TMPRSS7: variants seen among roughly 807,000 people sequenced by gnomAD.
TMPRSS7 encodes transmembrane serine protease 7.
In TMPRSS7, 81 loss-of-function variants were observed where a neutral mutation model predicts 95.6. That is an observed-to-expected ratio of 0.85 (90% CI 0.71 to 1.02). The LOEUF is 1.02. Ranked by LOEUF, TMPRSS7 falls within the 50% of genes least tolerant of loss-of-function variation. The pLI, the probability that TMPRSS7 is intolerant of heterozygous loss-of-function variation, is 0.00. For synonymous variants in TMPRSS7, 364 were observed against 337.8 expected, an observed-to-expected ratio of 1.08 and a Z score of -0.85; for missense variants, 945 against 955.2, an observed-to-expected ratio of 0.99 and a Z score of 0.14.
intron 10 of TMPRSS7, among the ~76,000 whole-genome samples, chr3:112,059,359 G>A (rs73853296): frequency 3.3e-5 from 5 of 151,910 alleles, no homozygotes; most frequent in African/African-American, 7.3e-5. Context: ...TGGCTTTCTC[G>A]TGTTTCTCAG....
chr3:112,080,714 C>G (rs2073769063), intron 17 of TMPRSS7, among the ~76,000 whole-genome samples, 200 bp from the exon 18 acceptor site: 1 of 152,114 alleles, frequency 6.6e-6, no homozygotes, highest in Admixed American at 6.5e-5. Flanking sequence ...ATGAATGCAG[C>G]TGTTTGATTA....
Position 112,045,951 on chromosome 3 carries a change from T to C in TMPRSS7, c.691+8T>C, listed in dbSNP as rs2107739732. On this transcript the variant is annotated splice_region_variant and intron_variant, in intron 5 of 17. Coordinates refer to ENST00000452346, the Ensembl canonical transcript of TMPRSS7. Reference sequence around the variant, plus strand: ...ACTCTGTGGTACTAAATGGTGATTGTTGGGTAATTTTCCTTTAGCATTCCT... The same window carrying C: ...ACTCTGTGGTACTAAATGGTGATTGCTGGGTAATTTTCCTTTAGCATTCCT... The C allele has an allele frequency of 3.9e-6, 6 of 1,543,266 alleles. No individual in the cohort carries two copies. Among genetic ancestry groups the C allele is most frequent in the Non-Finnish European group, 5.3e-6 (6 of 1,142,500 alleles).
intron 2 of TMPRSS7, among the ~76,000 whole-genome samples, chr3:112,041,663 G>A (rs1048311976): frequency 6.6e-6 from 1 of 152,124 alleles, no homozygotes; most frequent in Admixed American, 6.5e-5. Context: ...AACACACAAG[G>A]GCCATGAGAT....
chr3:112,059,937 T>C (rs73853297), intron 10 of TMPRSS7, among the ~76,000 whole-genome samples: 6,457 of 152,210 alleles, frequency 0.042, 408 homozygotes, highest in African/African-American at 0.14. Flanking sequence ...CATTACCTAT[T>C]GGGGAACCTG....
chr3:112,036,739 T>C (rs933296032), intron 1 of TMPRSS7, among the ~76,000 whole-genome samples: 2 of 152,130 alleles, frequency 1.3e-5, no homozygotes, highest in African/African-American at 4.8e-5. Flanking sequence ...GGAAAGAACC[T>C]AGAAACTGTT....
intron 9 of TMPRSS7, among the ~76,000 whole-genome samples, chr3:112,053,657 A>G (rs1335300291): frequency 1.3e-5 from 2 of 152,216 alleles, no homozygotes; most frequent in African/African-American, 4.8e-5. Context: ...ACACACCTCT[A>G]ATACAGAAGA....
chr3:112,041,834 G>A, intron 2 of TMPRSS7, 86 bp from the exon 3 acceptor site: 4 of 842,994 alleles, frequency 4.7e-6, no homozygotes, highest in Non-Finnish European at 5.7e-6. Context: ...ATTATTTTAG[G>A]AGCCTCATAC....
At chr3:112,071,398 C>T (rs1413372130) in intron 13 of TMPRSS7, among the ~76,000 whole-genome samples, 1 of 152,142 alleles carries the variant, frequency 6.6e-6, no homozygotes, top group African/African-American at 2.4e-5. Context: ...TCATTTCAAC[C>T]TTGGCAAATC....
intron 15 of TMPRSS7, 36 bp from the exon 16 acceptor site, chr3:112,076,840 A>G: frequency 6.3e-7 from 1 of 1,598,518 alleles, no homozygotes; most frequent in South Asian, 1.1e-5. Context: ...TGGTTCTTTA[A>G]GCTGCTAACT....
At chr3:112,078,047 A>G (rs898196051) in intron 16 of TMPRSS7, among the ~76,000 whole-genome samples, 1 of 152,172 alleles carries the variant, frequency 6.6e-6, no homozygotes, top group Non-Finnish European at 1.5e-5. Context: ...GCAGCTTCTC[A>G]GTGCTTTCAT....
intron 11 of TMPRSS7, among the ~76,000 whole-genome samples, chr3:112,062,942 G>A (rs996005556): frequency 6.6e-6 from 1 of 152,216 alleles, no homozygotes; most frequent in South Asian, 2.1e-4. Flanking sequence ...TGGTTGAAGA[G>A]GAAAGACTAG....
chr3:112,058,386 G>C (rs567474677), intron 10 of TMPRSS7, among the ~76,000 whole-genome samples: 1 of 152,172 alleles, frequency 6.6e-6, no homozygotes, highest in South Asian at 2.1e-4. Flanking sequence ...CAGCTCTATC[G>C]TTTAGTAGCT....
chr3:112,035,487 C>A (rs2073144804), intron 1 of TMPRSS7, among the ~76,000 whole-genome samples: 1 of 151,868 alleles, frequency 6.6e-6, no homozygotes, highest in African/African-American at 2.4e-5. Flanking sequence ...TACGTGGCCA[C>A]GTATTATCCC....
At chr3:112,077,471 C>T (rs2073725937) in intron 16 of TMPRSS7, among the ~76,000 whole-genome samples, 1 of 152,148 alleles carries the variant, frequency 6.6e-6, no homozygotes, top group Non-Finnish European at 1.5e-5. Flanking sequence ...CCTCCCTTTT[C>T]ATTCAAAGAA....
At chr3:112,035,281 T>C (rs1559949643) in intron 1 of TMPRSS7, among the ~76,000 whole-genome samples, 1 of 152,238 alleles carries the variant, frequency 6.6e-6, no homozygotes, top group African/African-American at 2.4e-5. Context: ...GAAAGTAGCT[T>C]GATACCATCG....
intron 14 of TMPRSS7, 142 bp from the exon 15 acceptor site, chr3:112,075,179 C>T: frequency 1.4e-6 from 1 of 738,742 alleles, no homozygotes; most frequent in East Asian, 3.3e-5. Flanking sequence ...TTCAGACAGA[C>T]TCACATGTTC....
At chr3:112,045,717 A>G (rs1164553954) in intron 4 of TMPRSS7, 33 bp from the exon 5 acceptor site, 1 of 1,519,738 alleles carries the variant, frequency 6.6e-7, no homozygotes, top group African/African-American at 1.4e-5. Flanking sequence ...AAGTCCTATG[A>G]GGTCCCTGAT....
intron 11 of TMPRSS7, 93 bp from the exon 12 acceptor site, chr3:112,063,432 T>C (rs2073537338): frequency 3.2e-6 from 3 of 925,980 alleles, no homozygotes; most frequent in African/African-American, 3.3e-5. Context: ...GCCAACTCCC[T>C]AACCACTTCA....
intron 12 of TMPRSS7, among the ~76,000 whole-genome samples, chr3:112,066,064 C>A (rs1018055544): frequency 1.3e-5 from 2 of 152,120 alleles, no homozygotes; most frequent in Non-Finnish European, 2.9e-5. Context: ...AGAAGGTAGA[C>A]GAGTTTGATT....
Sources: allele counts gnomAD v4.1 joint callset (sites outside exome capture counted in the v4.1 genomes callset), GRCh38; gene constraint gnomAD v4.1.1; transcripts MANE v1.5; gene names NCBI Gene and HGNC (gene_info 2026-07-23, HGNC 2026-07-21).